Variants in PPARGC1A observed in about 807,000 individuals in gnomAD.
The protein encoded by PPARGC1A is peroxisome proliferator-activated receptor gamma coactivator 1-alpha.
A neutral mutation model predicts 88.7 loss-of-function variants in PPARGC1A; 25 were observed. The ratio of observed to expected loss-of-function variants is 0.28; its 90% confidence interval spans 0.21 to 0.39. The LOEUF is 0.39. PPARGC1A is among the 10% of genes least tolerant of loss of function. The pLI is 1.00. For missense variants in PPARGC1A, 880 were observed against 968.7 expected, an observed-to-expected ratio of 0.91 and a Z score of 1.22; for synonymous variants, 363 against 355.6, an observed-to-expected ratio of 1.02 and a Z score of -0.24.
chr4:24,059,073 T>A, the PPARGC1A span, among the ~76,000 whole-genome samples: 1 of 152,092 alleles, frequency 6.6e-6, no homozygotes, highest in Non-Finnish European at 1.5e-5. Context: ...ATGAAACCCA[T>A]CAAAAGATCC....
the PPARGC1A span, among the ~76,000 whole-genome samples, chr4:24,175,376 T>A: frequency 7.5e-4 from 66 of 87,864 alleles, no homozygotes; most frequent in African/African-American, 3.4e-3. Flanking sequence ...CTTTGTTTCG[T>A]TTTTTTTTTT....
the PPARGC1A span, among the ~76,000 whole-genome samples, chr4:24,167,949 G>A: frequency 3.9e-5 from 6 of 151,994 alleles, no homozygotes; most frequent in African/African-American, 2.4e-5. Flanking sequence ...AGAGATAGGG[G>A]TCTCACCATG....
chr4:24,023,142 T>C, the PPARGC1A span, among the ~76,000 whole-genome samples: 2 of 152,178 alleles, frequency 1.3e-5, no homozygotes, highest in Non-Finnish European at 2.9e-5. Flanking sequence ...GTTGTTATAT[T>C]AGATATACTT....
the PPARGC1A span, among the ~76,000 whole-genome samples, chr4:23,988,229 T>C: frequency 6.6e-6 from 1 of 152,096 alleles, no homozygotes; most frequent in Non-Finnish European, 1.5e-5. Flanking sequence ...CTATTGTGAA[T>C]AGTGCTGCAA....
chr4:23,898,833 T>C (rs1718921925), intron 1 of PPARGC1A, among the ~76,000 whole-genome samples: 1 of 80,540 alleles, frequency 1.2e-5, no homozygotes, highest in African/African-American at 5.6e-5. Flanking sequence ...CTGAGGTGGG[T>C]ATTTTTTTTT....
chr4:24,228,880 C>A, the PPARGC1A span, among the ~76,000 whole-genome samples: 1 of 152,136 alleles, frequency 6.6e-6, no homozygotes, highest in Non-Finnish European at 1.5e-5. Flanking sequence ...GATTTATCTT[C>A]CTCCTCCAGT....
the PPARGC1A span, among the ~76,000 whole-genome samples, chr4:24,455,432 A>G: frequency 1.3e-5 from 2 of 152,338 alleles, no homozygotes; most frequent in African/African-American, 2.4e-5. Context: ...AATAGCCATC[A>G]TTGTGCCACT....
At chr4:24,419,862 C>T in the PPARGC1A span, among the ~76,000 whole-genome samples, 1 of 152,294 alleles carries the variant, frequency 6.6e-6, no homozygotes, top group South Asian at 2.1e-4. Context: ...TGTCCAAATG[C>T]ATCCTCATAC....
At chr4:24,234,090 T>C in the PPARGC1A span, among the ~76,000 whole-genome samples, 1 of 152,228 alleles carries the variant, frequency 6.6e-6, no homozygotes, top group Non-Finnish European at 1.5e-5. Context: ...GAACTTTGAC[T>C]GCATAATTAG....
At chr4:23,858,878 T>C (rs1730688519) in intron 2 of PPARGC1A, among the ~76,000 whole-genome samples, 2 of 151,000 alleles carry the variant, frequency 1.3e-5, no homozygotes, top group South Asian at 4.2e-4. Flanking sequence ...AGTTGAAATA[T>C]AAATACAAAT....
At chr4:23,926,295 C>T in the PPARGC1A span, among the ~76,000 whole-genome samples, 1 of 152,146 alleles carries the variant, frequency 6.6e-6, no homozygotes, top group African/African-American at 2.4e-5. Context: ...TAACATCCTC[C>T]CAACCTCAGC....
the PPARGC1A span, among the ~76,000 whole-genome samples, chr4:24,425,977 A>G: frequency 2.0e-5 from 3 of 152,244 alleles, no homozygotes; most frequent in Non-Finnish European, 4.4e-5. Flanking sequence ...ATATTTCAAA[A>G]AGGAATGCTT....
chr4:24,016,366 AT>A, the PPARGC1A span, among the ~76,000 whole-genome samples: 1 of 152,094 alleles, frequency 6.6e-6, no homozygotes, highest in African/African-American at 2.4e-5. Flanking sequence ...AATCTAACCC[AT>A]TTTTCAGTGA....
intron 7 of PPARGC1A, among the ~76,000 whole-genome samples, chr4:23,821,146 T>C (rs1011019908): frequency 7.2e-5 from 11 of 152,132 alleles, no homozygotes; most frequent in Non-Finnish European, 1.5e-5. Flanking sequence ...TGAAGCCTAT[T>C]TAACATAACA....
chr4:24,301,205 T>C, the PPARGC1A span, among the ~76,000 whole-genome samples: 1 of 152,208 alleles, frequency 6.6e-6, no homozygotes, highest in Non-Finnish European at 1.5e-5. Context: ...CACTAGTAGA[T>C]ATTTTTTCAA....
At chr4:24,254,918 G>C in the PPARGC1A span, among the ~76,000 whole-genome samples, 1 of 152,072 alleles carries the variant, frequency 6.6e-6, no homozygotes, top group African/African-American at 2.4e-5. Context: ...ATTTTTCAGG[G>C]ATTATGGAAA....
chr4:23,882,901 C>G (rs1716219022), intron 2 of PPARGC1A: 2 of 151,966 alleles, frequency 1.3e-5, no homozygotes, highest in Non-Finnish European at 2.9e-5. Context: ...AGTAGCCCAC[C>G]AGAGAGGCAT....
chr4:24,449,739 T>C, the PPARGC1A span, among the ~76,000 whole-genome samples: 1 of 152,220 alleles, frequency 6.6e-6, no homozygotes, highest in African/African-American at 2.4e-5. Flanking sequence ...ATAATAGTCA[T>C]CATGTGATTT....
chr4:24,122,416 C>CAT, the PPARGC1A span, among the ~76,000 whole-genome samples: 10,991 of 127,698 alleles, frequency 0.086, 583 homozygotes, highest in Non-Finnish European at 0.11. Flanking sequence ...TGTGTGTGTG[C>CAT]ATATATATAT....
Sources: allele counts gnomAD v4.1 joint callset (sites outside exome capture counted in the v4.1 genomes callset), GRCh38; gene constraint gnomAD v4.1.1; transcripts MANE v1.5; gene names NCBI Gene and HGNC (gene_info 2026-07-23, HGNC 2026-07-21).